ZNF407: variants seen among roughly 807,000 people sequenced by gnomAD.
ZNF407 encodes the protein zinc finger protein 407.
A neutral mutation model predicts 131.2 loss-of-function variants in ZNF407; 17 were observed. That is an observed-to-expected ratio of 0.13 (90% CI 0.09 to 0.19). The LOEUF (loss-of-function observed/expected upper bound fraction) is 0.19, where lower values mean the gene tolerates loss of function less well. Ranked by LOEUF, ZNF407 falls within the 10% of genes least tolerant of loss-of-function variation. The probability of loss-of-function intolerance (pLI) is 1.00; values close to 1 mark genes in which losing one functional copy is unlikely to be tolerated. For missense variants in ZNF407, 2,681 were observed against 2,830.6 expected (o/e 0.95, Z 1.20); for synonymous variants, 1,156 against 1,062.0 (o/e 1.09, Z -1.72).
At chr18:74,613,868 G>T (rs1209962134) in intron 1 of ZNF407, among the ~76,000 whole-genome samples, 1 of 152,140 alleles carries the variant, frequency 6.6e-6, no homozygotes, top group Non-Finnish European at 1.5e-5. Context: ...ATAGGGAAAA[G>T]AATTGTTTAA....
At chr18:74,618,530 G>C (rs1983404878) in intron 1 of ZNF407, among the ~76,000 whole-genome samples, 3 of 152,292 alleles carry the variant, frequency 2.0e-5, no homozygotes. Context: ...CTGATTCTGA[G>C]TTTAGTCTGA....
At chr18:74,896,433 T>C (rs1354797501) in intron 7 of ZNF407, among the ~76,000 whole-genome samples, 2 of 152,204 alleles carry the variant, frequency 1.3e-5, no homozygotes, top group East Asian at 1.9e-4. Flanking sequence ...CCAGTTACTT[T>C]CCAAACTTTT....
intron 4 of ZNF407, among the ~76,000 whole-genome samples, chr18:74,843,190 G>C (rs1350865862): frequency 3.9e-5 from 6 of 152,018 alleles, no homozygotes; most frequent in Non-Finnish European, 2.9e-5. Context: ...ATTTTTTGTA[G>C]TATTTTCTCT....
intron 3 of ZNF407, among the ~76,000 whole-genome samples, chr18:74,641,418 A>G: frequency 6.6e-6 from 1 of 152,188 alleles, no homozygotes; most frequent in East Asian, 1.9e-4. Context: ...TATAAATTCC[A>G]TTTAAAGACA....
At chr18:74,866,544 T>C (rs1332480980) in intron 4 of ZNF407, among the ~76,000 whole-genome samples, 1 of 152,098 alleles carries the variant, frequency 6.6e-6, no homozygotes, top group Admixed American at 6.5e-5. Flanking sequence ...TACTCAAATT[T>C]CTTGAAATTA....
intron 8 of ZNF407, among the ~76,000 whole-genome samples, chr18:74,929,328 C>T (rs957709072): frequency 3.3e-5 from 5 of 151,854 alleles, no homozygotes; most frequent in African/African-American, 9.7e-5. Flanking sequence ...GGCAGCACTG[C>T]GATCTTATCA....
In ZNF407 at chr18:75,064,578, G is replaced by A. The variant is rs1040187096; in HGVS notation, c.*110G>A. 7 of 1,010,834 alleles carry A rather than the reference G, an allele frequency of 6.9e-6. No individual in the cohort carries two copies. The highest frequency in any genetic ancestry group is 6.5e-5 in the African/African-American group (4 of 61,974). The allele number at this position is 1,010,834 out of a possible 1,614,324, so 62.6% of individuals were successfully genotyped here. ...AAACCTTCAAAACCATGAGGACAAG[G>A]CTCCCGTGAGCTCTGAGCATGCCCT... On this transcript the variant is annotated 3_prime_UTR_variant, in exon 9 of 9. Coordinates refer to ENST00000299687, the MANE Select transcript of ZNF407 (RefSeq NM_017757.3).
At chr18:74,893,052 A>G (rs1218215663) in intron 7 of ZNF407, among the ~76,000 whole-genome samples, 1 of 152,108 alleles carries the variant, frequency 6.6e-6, no homozygotes, top group Non-Finnish European at 1.5e-5. Context: ...AATGTATTAT[A>G]CGTTTTACTA....
intron 3 of ZNF407, among the ~76,000 whole-genome samples, chr18:74,673,061 T>G (rs1986214694): frequency 6.6e-6 from 1 of 152,208 alleles, no homozygotes; most frequent in South Asian, 2.1e-4. Flanking sequence ...ATGGCTGCTA[T>G]CTCTTAAATT....
intron 1 of ZNF407, among the ~76,000 whole-genome samples, chr18:74,598,759 C>G (rs1354714453): frequency 6.6e-6 from 1 of 152,264 alleles, no homozygotes; most frequent in African/African-American, 2.4e-5. Context: ...TAGATGCTCA[C>G]CTCTTTCCAG....
At chr18:75,031,052 TAGC>T (rs1490684297) in intron 8 of ZNF407, among the ~76,000 whole-genome samples, 2 of 152,140 alleles carry the variant, frequency 1.3e-5, no homozygotes, top group East Asian at 3.9e-4. Flanking sequence ...CCCACACACA[TAGC>T]AGCAGGTGTC....
intron 8 of ZNF407, among the ~76,000 whole-genome samples, chr18:75,032,427 A>T (rs1043500938): frequency 1.3e-5 from 2 of 152,128 alleles, no homozygotes; most frequent in African/African-American, 2.4e-5. Context: ...CTCTCCACAG[A>T]CCATTTGATG....
chr18:74,875,551 A>G (rs1971144049), intron 4 of ZNF407, among the ~76,000 whole-genome samples: 1 of 152,222 alleles, frequency 6.6e-6, no homozygotes, highest in South Asian at 2.1e-4. Flanking sequence ...CAATAAATAC[A>G]TGAGGAAATA....
At chr18:74,813,645 C>T (rs1970228965) in intron 4 of ZNF407, among the ~76,000 whole-genome samples, 1 of 152,148 alleles carries the variant, frequency 6.6e-6, no homozygotes, top group Non-Finnish European at 1.5e-5. Context: ...TGTGGCTGAC[C>T]TGGAATCACC....
chr18:75,061,955 T>A (rs558752455), intron 8 of ZNF407: 1 of 152,486 alleles, frequency 6.6e-6, no homozygotes, highest in South Asian at 2.1e-4. Context: ...GTTACAGTCC[T>A]GTAGTTTTCC....
chr18:74,939,413 A>G (rs532545046), intron 8 of ZNF407, among the ~76,000 whole-genome samples: 1 of 152,376 alleles, frequency 6.6e-6, no homozygotes, highest in South Asian at 2.1e-4. Context: ...ATAATTTGAG[A>G]TCAGAAGTGA....
At chr18:74,928,675 G>C (rs1346596949) in intron 8 of ZNF407, among the ~76,000 whole-genome samples, 4 of 152,206 alleles carry the variant, frequency 2.6e-5, no homozygotes, top group African/African-American at 7.2e-5. Flanking sequence ...TTGCTACAAA[G>C]AGTCTGTTTT....
chr18:74,707,200 G>A lies in ZNF407; in HGVS notation c.4802+66078G>A, dbSNP rs374189445. Among the ~76,000 whole-genome samples the A allele has an allele frequency of 3.1e-4, 47 of 152,162 alleles. No individual in the cohort carries two copies. In the East Asian group the frequency reaches 6.8e-3, roughly 22 times the overall value. ...TCTGGACTTCAAGTGATCCGCCCAC[G>A]TCGGCATCTGAAAGTGCTGGGATTA... On this transcript the variant is annotated intron_variant, in intron 3 of 8. Transcript: ENST00000299687.
chr18:74,612,395 CATATT>C (rs1352765824), intron 1 of ZNF407, among the ~76,000 whole-genome samples: 1 of 152,126 alleles, frequency 6.6e-6, no homozygotes, highest in African/African-American at 2.4e-5. Context: ...CACCTTTACA[CATATT>C]AAAAGTTTTT....
Sources: gnomAD v4.1 joint callset for allele counts (sites outside exome capture counted in the v4.1 genomes callset) on GRCh38, gnomAD v4.1.1 for gene constraint, MANE v1.5 for transcripts, NCBI Gene and HGNC (gene_info 2026-07-23, HGNC 2026-07-21) for gene names.